The following TMEM132C variants were observed in gnomAD, a reference collection of about 807,000 sequenced individuals.
TMEM132C encodes protein phosphatase 1, regulatory subunit 152.
In TMEM132C, 29 loss-of-function variants were observed where a neutral mutation model predicts 61.4. The ratio of observed to expected loss-of-function variants is 0.47; its 90% confidence interval spans 0.35 to 0.64. The LOEUF (loss-of-function observed/expected upper bound fraction) is 0.64, where lower values mean the gene tolerates loss of function less well. Ranked by LOEUF, TMEM132C falls within the 30% of genes least tolerant of loss-of-function variation. The pLI is 0.00. For missense variants in TMEM132C, 1,408 were observed against 1,476.9 expected (o/e 0.95, Z 0.76); for synonymous variants, 656 against 633.1 (o/e 1.04, Z -0.54).
At chr12:128,492,421 G>C (rs146691500) in intron 2 of TMEM132C, among the ~76,000 whole-genome samples, 4 of 152,120 alleles carry the variant, frequency 2.6e-5, no homozygotes, top group Non-Finnish European at 5.9e-5. Context: ...CTGAGGAATC[G>C]CCACACTGTC....
chr12:128,307,140 C>G (rs1196399565), intron 1 of TMEM132C, among the ~76,000 whole-genome samples: 1 of 152,214 alleles, frequency 6.6e-6, no homozygotes, highest in East Asian at 1.9e-4. Flanking sequence ...CACACCCACC[C>G]TTGGTTATAT....
At chr12:128,529,112 G>A (rs1873193373) in intron 2 of TMEM132C, among the ~76,000 whole-genome samples, 1 of 151,758 alleles carries the variant, frequency 6.6e-6, no homozygotes, top group Admixed American at 6.6e-5. Context: ...GTTCATCTCA[G>A]AAATGTTTTA....
chr12:128,482,342 T>C (rs770817542), intron 2 of TMEM132C, among the ~76,000 whole-genome samples: 53 of 152,228 alleles, frequency 3.5e-4, no homozygotes, highest in Non-Finnish European at 6.8e-4. Context: ...ACAGGAGTTA[T>C]TCAGAAATAA....
chr12:128,267,614 A>G, intron 1 of TMEM132C, 127 bp downstream of exon 1: 3 of 760,658 alleles, frequency 3.9e-6, no homozygotes, highest in South Asian at 6.3e-5. Context: ...GATCCCATCA[A>G]CAGCGCCTCT....
intron 1 of TMEM132C, among the ~76,000 whole-genome samples, chr12:128,349,120 C>T (rs1873260594): frequency 6.6e-6 from 1 of 152,160 alleles, no homozygotes; most frequent in Non-Finnish European, 1.5e-5. Flanking sequence ...TCTCCTGGCT[C>T]AGCCTCCCAA....
rs1954853414 is a variant in TMEM132C at position 128,707,568 on chromosome 12, G to A, written c.*1273G>A. 1 of 152,150 alleles carries A rather than the reference G, an allele frequency of 6.6e-6. No individual in the cohort carries two copies. Among genetic ancestry groups the A allele is most frequent in the Non-Finnish European group, 1.5e-5 (1 of 68,040 alleles). 9.4% of individuals were successfully genotyped at this position (152,150 alleles called of 1,614,324 possible). A position where few individuals can be genotyped will look rare whatever the true frequency, so the allele number is the denominator to read the frequency against. ...CATTGCAAAAATGCATTCATCCAAA[G>A]CGACACATGTGGCAACGTAGACCAC... On this transcript the variant is annotated 3_prime_UTR_variant, in exon 9 of 9. Coordinates refer to ENST00000435159, the MANE Select transcript of TMEM132C (RefSeq NM_001136103.3).
intron 3 of TMEM132C, among the ~76,000 whole-genome samples, chr12:128,558,484 C>T (rs2136161465): frequency 6.6e-6 from 1 of 152,350 alleles, no homozygotes; most frequent in East Asian, 1.9e-4. Context: ...TTTGCTCCTC[C>T]TTTGCCTTCC....
intron 3 of TMEM132C, among the ~76,000 whole-genome samples, chr12:128,594,394 T>G (rs1016673028): frequency 7.7e-6 from 1 of 129,510 alleles, no homozygotes; most frequent in African/African-American, 3.0e-5. Flanking sequence ...GAATGAAAGC[T>G]CCACGGGACA....
chr12:128,585,998 G>A (rs1305723057), intron 3 of TMEM132C, among the ~76,000 whole-genome samples: 3 of 152,176 alleles, frequency 2.0e-5, no homozygotes, highest in South Asian at 2.1e-4. Flanking sequence ...ACATGAATGT[G>A]CTTCATGCTG....
At chr12:128,578,170 T>C (rs534763214) in intron 3 of TMEM132C, among the ~76,000 whole-genome samples, 2 of 152,270 alleles carry the variant, frequency 1.3e-5, no homozygotes, top group Non-Finnish European at 2.9e-5. Context: ...TGGAGCTGAG[T>C]GAGCCTAAAT....
intron 3 of TMEM132C, among the ~76,000 whole-genome samples, chr12:128,613,479 A>C (rs537067522): frequency 3.9e-4 from 59 of 152,210 alleles, no homozygotes; most frequent in Non-Finnish European, 7.2e-4. Flanking sequence ...TGGACCAAGA[A>C]CACATCTCTT....
chr12:128,311,128 C>T (rs1434016393), intron 1 of TMEM132C, among the ~76,000 whole-genome samples: 1 of 152,262 alleles, frequency 6.6e-6, no homozygotes, highest in African/African-American at 2.4e-5. Context: ...AAGCGTGTGG[C>T]TTGCCACAGA....
intron 2 of TMEM132C, among the ~76,000 whole-genome samples, chr12:128,486,652 A>G (rs1047736213): frequency 6.6e-6 from 1 of 152,108 alleles, no homozygotes; most frequent in African/African-American, 2.4e-5. Flanking sequence ...TATTCTCACC[A>G]TCGTTGAAGA....
intron 2 of TMEM132C, among the ~76,000 whole-genome samples, chr12:128,510,049 G>T (rs1031163788): frequency 9.2e-5 from 14 of 152,264 alleles, no homozygotes; most frequent in Admixed American, 9.2e-4. Context: ...ATTGTTCTTA[G>T]GGTGTTAACC....
intron 2 of TMEM132C, among the ~76,000 whole-genome samples, chr12:128,440,170 G>A (rs1479538836): frequency 6.6e-6 from 1 of 152,170 alleles, no homozygotes; most frequent in African/African-American, 2.4e-5. Context: ...TATCCGTGTT[G>A]GAGTCAGGTG....
chr12:128,349,146 A>G (rs1713629), intron 1 of TMEM132C, among the ~76,000 whole-genome samples: 146,357 of 152,234 alleles, frequency 0.96, 70,367 homozygotes, highest in East Asian at 1. Flanking sequence ...TGGGATTACA[A>G]GGTTGTGCCG....
At chr12:128,560,431 A>T (rs1352517153) in intron 3 of TMEM132C, among the ~76,000 whole-genome samples, 3 of 152,188 alleles carry the variant, frequency 2.0e-5, no homozygotes, top group African/African-American at 7.2e-5. Context: ...CCTGACCCTG[A>T]TGAGCTAAGC....
chr12:128,693,559 C>T (rs1240052277), intron 5 of TMEM132C, among the ~76,000 whole-genome samples: 3 of 152,104 alleles, frequency 2.0e-5, no homozygotes, highest in Admixed American at 6.5e-5. Context: ...CTCTGAAAAC[C>T]GAGCCCATGG....
chr12:128,583,400 A>T (rs1875420423), intron 3 of TMEM132C, among the ~76,000 whole-genome samples: 1 of 152,130 alleles, frequency 6.6e-6, no homozygotes, highest in Non-Finnish European at 1.5e-5. Flanking sequence ...GTCAAAAAAA[A>T]AAAAAAGCTT....
Sources: gnomAD v4.1 joint callset for allele counts (sites outside exome capture counted in the v4.1 genomes callset) on GRCh38, gnomAD v4.1.1 for gene constraint, MANE v1.5 for transcripts, NCBI Gene and HGNC (gene_info 2026-07-23, HGNC 2026-07-21) for gene names.